Variants in BBLN observed in about 807,000 individuals in gnomAD.
The protein encoded by BBLN is bublin coiled coil protein.
Under a neutral mutation model 7.6 loss-of-function variants are expected in BBLN, and 6 were observed. That is an observed-to-expected ratio of 0.79 (90% CI 0.43 to 1.55). BBLN has a LOEUF of 1.55. Ranked by LOEUF, BBLN falls within the 40% of genes most tolerant of loss-of-function variation. BBLN has a pLI of 0.01. For synonymous variants in BBLN, 35 were observed against 46.7 expected, an observed-to-expected ratio of 0.75 and a Z score of 1.02; for missense variants, 100 against 111.1, an observed-to-expected ratio of 0.90 and a Z score of 0.45.
Position 128,163,630 on chromosome 9 carries a change from C to T in BBLN, c.*15C>T, listed in dbSNP as rs749687008. On this transcript the variant is annotated 3_prime_UTR_variant, in exon 2 of 2. Coordinates refer to ENST00000372994, the MANE Select transcript of BBLN (RefSeq NM_024112.4). The surrounding 1 kb of genome is among the most constrained non-coding windows in gnomAD (Gnocchi z 5.7). ...CCAGCCCCTAGGCTCCAAGAGCCCC[C>T]AACCGGGACCCAACCCTGCCTCCCT... The T allele has an allele frequency of 4.1e-6, 6 of 1,479,490 alleles. No individual in the cohort carries two copies. The highest frequency in any genetic ancestry group is 5.4e-6 in the Non-Finnish European group (6 of 1,110,666). The allele number at this position is 1,479,490 out of a possible 1,614,324, so 91.6% of individuals were successfully genotyped here. A position where few individuals can be genotyped will look rare whatever the true frequency, so the allele number is the denominator to read the frequency against.
intron 1 of BBLN, among the ~76,000 whole-genome samples, chr9:128,160,903 G>C (rs1829247737): frequency 6.6e-6 from 1 of 152,210 alleles, no homozygotes; most frequent in Admixed American, 6.5e-5. Flanking sequence ...TGCTGGTGTA[G>C]CCTCACAGCC....
chr9:128,163,458 A>G lies in BBLN; in HGVS notation c.95A>G (p.Asn32Ser). ...GFGEAEYAAI[N>S]SMLDQINSCL... ...TTCCTCCCAGAATACGCTGCCATCA[A>G]CTCCATGCTGGACCAGATCAACTCC... Residue 32 changes from asparagine (N) to serine (S), a missense_variant, in exon 2 of 2, where the codon AAC (asparagine) becomes AGC (serine). Transcript: ENST00000372994. The surrounding 1 kb of genome is among the most constrained non-coding windows in gnomAD (Gnocchi z 5.7). The G allele has an allele frequency of 3.8e-6, 6 of 1,570,420 alleles. No homozygotes were observed. The highest frequency in any genetic ancestry group is 1.4e-5 in the African/African-American group (1 of 73,438).
chr9:128,160,620 G>A, intron 1 of BBLN, 134 bp downstream of exon 1: 1 of 690,704 alleles, frequency 1.4e-6, no homozygotes, highest in East Asian at 3.3e-5. Context: ...AGTTGTAGGT[G>A]CTGTCTCGGA....
At position 128,161,664 on chromosome 9, in the gene BBLN, G is replaced by A. The variant is rs528030590; in HGVS notation, c.79+1178G>A. On this transcript the variant is annotated intron_variant, in intron 1 of 1. Transcript: ENST00000372994. The stretch of plus-strand genomic sequence containing the variant: ...TGAGCTTTTTTTTTTTTTTTGAGTC[G>A]GAGTCTTGCTCTGTTGCCCAGGCTG... Among the ~76,000 whole-genome samples the A allele has an allele frequency of 3.6e-3, 527 of 145,902 alleles. 8 individuals carry two copies. Among genetic ancestry groups the A allele is most frequent in the African/African-American group, 0.013 (507 of 38,048 alleles).
chr9:128,163,340 C>T lies in BBLN; in HGVS notation c.80-103C>T. ...AGGCTCAGGAAGCAGTAGGGACTTG[C>T]ACAAAGCCCTTTGGGAAGCAGGCTG... On this transcript the variant is annotated intron_variant, in intron 1 of 1. Coordinates refer to ENST00000372994, the MANE Select transcript of BBLN (RefSeq NM_024112.4). The surrounding 1 kb of genome is among the most constrained non-coding windows in gnomAD (Gnocchi z 5.7). The T allele has an allele frequency of 3.5e-6, 4 of 1,138,126 alleles. No individual in the cohort carries two copies. The highest frequency in any genetic ancestry group is 4.9e-6 in the Non-Finnish European group (4 of 817,750). 70.5% of individuals were successfully genotyped at this position (1,138,126 alleles called of 1,614,324 possible). A position where few individuals can be genotyped will look rare whatever the true frequency, so the allele number is the denominator to read the frequency against.
chr9:128,163,573 C>G lies in BBLN; in HGVS notation c.210C>G (p.Phe70Leu). The change falls in exon 2 of 2, where the codon TTC becomes TTG. Residue 70 changes from phenylalanine to leucine, a missense_variant. Physicochemically the swap from Phe to Leu is conservative, Grantham distance 22. Transcript: ENST00000372994. This position sits in a 1 kb window ranked among gnomAD's most constrained non-coding sequence, Gnocchi z 5.7. ...LESNRQTRLE[F>L]QQQLGEAPSD... ...CCAACCGGCAGACACGCCTGGAGTT[C>G]CAGCAGCAGCTCGGGGAGGCCCCCA... 1.3e-6 allele frequency: 2 copies of G among 1,597,680 alleles called. No homozygotes were observed. Among genetic ancestry groups the G allele is most frequent in the Non-Finnish European group, 1.7e-6 (2 of 1,171,650 alleles).
In BBLN at chr9:128,163,514, C is replaced by T; in HGVS notation, c.151C>T (p.His51Tyr). The T allele has an allele frequency of 6.2e-7, 1 of 1,612,492 alleles. No individual in the cohort carries two copies. The highest frequency in any genetic ancestry group is 8.5e-7 in the Non-Finnish European group (1 of 1,179,090). ...GGACCACCTGGAGGAGAAGAATGACCACCTCCACGCCCGCCTCCAGGAGCT... is the reference window on the plus strand; with the variant it reads ...GGACCACCTGGAGGAGAAGAATGACTACCTCCACGCCCGCCTCCAGGAGCT... The part of the protein sequence containing the change: ...CLDHLEEKND[H>Y]LHARLQELLE... Residue 51 changes from histidine (H) to tyrosine (Y), a missense_variant, in exon 2 of 2, where the codon CAC becomes TAC. His to Tyr is a moderately conservative substitution (Grantham distance 83, BLOSUM62 2). Coordinates refer to ENST00000372994, the MANE Select transcript of BBLN (RefSeq NM_024112.4). This position sits in a 1 kb window ranked among gnomAD's most constrained non-coding sequence, Gnocchi z 5.7.
Position 128,163,756 on chromosome 9 carries a change from T to TGG in BBLN, c.*141_*142insGG. ...TGGGTCTGCCTGCCTGGGCCACCCT[T>TGG]CCTGCCTGGGCCTCCCCTTGGCCTA... On this transcript the variant is annotated 3_prime_UTR_variant, in exon 2 of 2. Coordinates refer to ENST00000372994, the MANE Select transcript of BBLN (RefSeq NM_024112.4). The surrounding 1 kb of genome is among the most constrained non-coding windows in gnomAD (Gnocchi z 5.7). The TGG allele has an allele frequency of 1.4e-6, 1 of 722,134 alleles. No individual in the cohort carries two copies. Among genetic ancestry groups the TGG allele is most frequent in the Non-Finnish European group, 2.1e-6 (1 of 471,568 alleles). 44.7% of individuals were successfully genotyped at this position (722,134 alleles called of 1,614,324 possible). A position where few individuals can be genotyped will look rare whatever the true frequency, so the allele number is the denominator to read the frequency against.
At chr9:128,161,871 G>A (rs931400502) in intron 1 of BBLN, 3 of 152,258 alleles carry the variant, frequency 2.0e-5, no homozygotes, top group African/African-American at 7.2e-5. Flanking sequence ...TCGAACTCCT[G>A]ACCTCAGGTG....
chr9:128,163,885 G>A lies in BBLN; in HGVS notation c.*270G>A, dbSNP rs566207897. On this transcript the variant is annotated 3_prime_UTR_variant, in exon 2 of 2. Transcript: ENST00000372994. The surrounding 1 kb of genome is among the most constrained non-coding windows in gnomAD (Gnocchi z 5.7). ...CCAACTCCTGGGCGCTCCCCACTCTGCCCAGGCCTTGAGTGTCCACATTAA... is the reference window on the plus strand; with the variant it reads ...CCAACTCCTGGGCGCTCCCCACTCTACCCAGGCCTTGAGTGTCCACATTAA... 8.8e-6 allele frequency: 4 copies of A among 452,572 alleles called. 1 individual carries two copies. In the South Asian group the frequency reaches 1.1e-4, roughly 13 times the overall value. 28.0% of individuals were successfully genotyped at this position (452,572 alleles called of 1,614,324 possible).
At chr9:128,161,168 TA>T (rs1374744556) in intron 1 of BBLN, among the ~76,000 whole-genome samples, 1 of 152,146 alleles carries the variant, frequency 6.6e-6, no homozygotes, top group Non-Finnish European at 1.5e-5. Flanking sequence ...TTTGGTATAG[TA>T]AAGATTGGCA....
At chr9:128,161,559 G>A (rs1024835636) in intron 1 of BBLN, among the ~76,000 whole-genome samples, 8 of 152,170 alleles carry the variant, frequency 5.3e-5, no homozygotes, top group African/African-American at 9.7e-5. Context: ...CCTCCTCCTA[G>A]CCTGTATCCC....
chr9:128,160,497 GGGGCTGCTGGAGCAACCTTGCATTTTCA>G lies in BBLN; in HGVS notation c.79+19_79+46del, dbSNP rs1172661385. The G allele has an allele frequency of 2.3e-6, 3 of 1,281,338 alleles. No homozygotes were observed. In the African/African-American group the frequency reaches 4.6e-5, roughly 20 times the overall value. The allele number at this position is 1,281,338 out of a possible 1,614,324, so 79.4% of individuals were successfully genotyped here. A position where few individuals can be genotyped will look rare whatever the true frequency, so the allele number is the denominator to read the frequency against. ...GCTTCGGGGAAGCAGGTGACCCGAGGGGGCTGCTGGAGCAACCTTGCATTTTCAGGGCTGCCCTCCCGGGAAGGGGAAT... is the reference window on the plus strand; with the variant it reads ...GCTTCGGGGAAGCAGGTGACCCGAGGGGGCTGCCCTCCCGGGAAGGGGAAT... On this transcript the variant is annotated intron_variant, in intron 1 of 1. Transcript: ENST00000372994.
rs1443261005 is a variant in BBLN at position 128,160,493 on chromosome 9, C to T, written c.79+7C>T. ...GACGGCTTCGGGGAAGCAGGTGACCCGAGGGGGCTGCTGGAGCAACCTTGC... is the reference window on the plus strand; with the variant it reads ...GACGGCTTCGGGGAAGCAGGTGACCTGAGGGGGCTGCTGGAGCAACCTTGC... On this transcript the variant is annotated splice_region_variant and intron_variant, in intron 1 of 1. Transcript: ENST00000372994. 2 of 1,278,466 alleles carry T rather than the reference C, an allele frequency of 1.6e-6. No homozygotes were observed. Among genetic ancestry groups the T allele is most frequent in the South Asian group, 5.7e-5 (2 of 34,910 alleles). The allele number at this position is 1,278,466 out of a possible 1,614,324, so 79.2% of individuals were successfully genotyped here. A position where few individuals can be genotyped will look rare whatever the true frequency, so the allele number is the denominator to read the frequency against.
In BBLN at chr9:128,163,750, C is replaced by A; in HGVS notation, c.*135C>A. 1.3e-6 allele frequency: 1 copy of A among 759,758 alleles called. No homozygotes were observed. The highest frequency in any genetic ancestry group is 3.6e-5 in the Admixed American group (1 of 28,126). The allele number at this position is 759,758 out of a possible 1,614,324, so 47.1% of individuals were successfully genotyped here. On this transcript the variant is annotated 3_prime_UTR_variant, in exon 2 of 2. Transcript: ENST00000372994. The surrounding 1 kb of genome is among the most constrained non-coding windows in gnomAD (Gnocchi z 5.7). Reference sequence around the variant, plus strand: ...CCCTGGTGGGTCTGCCTGCCTGGGCCACCCTTCCTGCCTGGGCCTCCCCTT... The same window carrying A: ...CCCTGGTGGGTCTGCCTGCCTGGGCAACCCTTCCTGCCTGGGCCTCCCCTT...
intron 1 of BBLN, among the ~76,000 whole-genome samples, chr9:128,161,161 G>C (rs1411780882): frequency 6.6e-6 from 1 of 150,656 alleles, no homozygotes; most frequent in Non-Finnish European, 1.5e-5. Flanking sequence ...TATTATCTTT[G>C]GTATAGTAAA....
rs1829273494 is a variant in BBLN, at chr9:128,163,312, CTG to C, written c.80-130_80-129del. ...TCCACCCATTTTCCAGACGGTGACA[CTG>C]AGGCTCAGGAAGCAGTAGGGACTTG... On this transcript the variant is annotated intron_variant, in intron 1 of 1. Transcript: ENST00000372994. This position sits in a 1 kb window ranked among gnomAD's most constrained non-coding sequence, Gnocchi z 5.7. The C allele has an allele frequency of 2.7e-6, 2 of 746,628 alleles. No individual in the cohort carries two copies. Among genetic ancestry groups the C allele is most frequent in the Non-Finnish European group, 4.1e-6 (2 of 488,020 alleles). The allele number at this position is 746,628 out of a possible 1,614,324, so 46.3% of individuals were successfully genotyped here. A position where few individuals can be genotyped will look rare whatever the true frequency, so the allele number is the denominator to read the frequency against.
At position 128,160,554 on chromosome 9, in the gene BBLN, G is replaced by A. The variant is rs1203305492; in HGVS notation, c.79+68G>A. 21 of 1,042,610 alleles carry A rather than the reference G, an allele frequency of 2.0e-5. No homozygotes were observed. The East Asian group carries it at 5.1e-4, about 25-fold the overall frequency. The allele number at this position is 1,042,610 out of a possible 1,614,324, so 64.6% of individuals were successfully genotyped here. On this transcript the variant is annotated intron_variant, in intron 1 of 1. Coordinates refer to ENST00000372994, the MANE Select transcript of BBLN (RefSeq NM_024112.4). ...CTGCCCTCCCGGGAAGGGGAATCGA[G>A]ATGGGGTCTCGGAAGGGAACAAAGA...
chr9:128,160,597 C>T (rs551752542), intron 1 of BBLN, 111 bp downstream of exon 1: 2 of 794,814 alleles, frequency 2.5e-6, no homozygotes, highest in Non-Finnish European at 3.7e-6. Context: ...CATTCCGCCC[C>T]GAGCGGGTCC....
Sources: allele counts gnomAD v4.1 joint callset (sites outside exome capture counted in the v4.1 genomes callset), GRCh38; gene constraint gnomAD v4.1.1; non-coding constraint Gnocchi (gnomAD v3.1); transcripts MANE v1.5; gene names NCBI Gene and HGNC (gene_info 2026-07-23, HGNC 2026-07-21).